NAV2: variants seen among roughly 807,000 people sequenced by gnomAD.
NAV2 encodes neuron navigator 2, also known as helicase, APC down-regulated 1.
NAV2 carries 54 observed loss-of-function variants against 223.2 expected under a neutral mutation model. The observed-to-expected ratio is 0.24, with a 90% CI of 0.19 to 0.30. NAV2 has a LOEUF of 0.30. NAV2 is among the 10% of genes least tolerant of loss of function. The pLI, the probability that NAV2 is intolerant of heterozygous loss-of-function variation, is 1.00. For synonymous variants in NAV2, 1,279 were observed against 1,239.3 expected (o/e 1.03, Z -0.67); for missense variants, 2,806 against 3,147.5 (o/e 0.89, Z 2.60).
At chr11:19,475,020 T>C (rs972822490) in intron 1 of NAV2, among the ~76,000 whole-genome samples, 1 of 152,172 alleles carries the variant, frequency 6.6e-6, no homozygotes, top group South Asian at 2.1e-4. Flanking sequence ...ACTGTCTCAT[T>C]CAGGATGCCC....
At chr11:19,465,301 G>T (rs989286549) in intron 1 of NAV2, among the ~76,000 whole-genome samples, 1 of 152,220 alleles carries the variant, frequency 6.6e-6, no homozygotes, top group Non-Finnish European at 1.5e-5. Flanking sequence ...GGACTACCCG[G>T]CCATGGTGGC....
intron 11 of NAV2, among the ~76,000 whole-genome samples, chr11:20,023,294 G>T (rs1462823070): frequency 1.3e-5 from 2 of 149,072 alleles, no homozygotes; most frequent in Non-Finnish European, 3.0e-5. Context: ...GGGTGGGAGG[G>T]GGCGGGGGGC....
chr11:19,429,357 C>G (rs2133580014), intron 1 of NAV2, among the ~76,000 whole-genome samples: 1 of 152,346 alleles, frequency 6.6e-6, no homozygotes, highest in South Asian at 2.1e-4. Flanking sequence ...TCAATAAAGC[C>G]TCACTGGGCT....
chr11:20,075,348 C>G (rs145208061), intron 22 of NAV2, among the ~76,000 whole-genome samples: 1 of 152,010 alleles, frequency 6.6e-6, no homozygotes, highest in Non-Finnish European at 1.5e-5. Context: ...CTCAGCCTCC[C>G]GAGTAGCTGG....
At chr11:20,094,375 A>G (rs1420700101) in intron 29 of NAV2, among the ~76,000 whole-genome samples, 1 of 151,520 alleles carries the variant, frequency 6.6e-6, no homozygotes, top group East Asian at 1.9e-4. Flanking sequence ...GACTATAGGT[A>G]CCTGCCACCA....
intron 1 of NAV2, among the ~76,000 whole-genome samples, chr11:19,740,060 G>A (rs918874235): frequency 6.6e-5 from 10 of 152,200 alleles, no homozygotes; most frequent in African/African-American, 2.4e-5. Context: ...GGAGCTTGAT[G>A]GGGAATCCTT....
rs774260626 is a variant in NAV2, at chr11:19,832,492, A to G, written c.276A>G (p.Thr92=). ...GTTTGCTTTTTTTACAGATCTACAC[A>G]GACTGGGCCAATCATTACCTAGCCA... ...VENGFDTQIY[T]DWANHYLAKS... is the part of the protein sequence containing the mutation. Residue 92 remains threonine (T), a synonymous_variant, in exon 2 of 38, where the codon ACA becomes ACG. Coordinates refer to ENST00000349880, the MANE Select transcript of NAV2 (RefSeq NM_145117.5). The G allele has an allele frequency of 6.2e-7, 1 of 1,613,612 alleles. No individual in the cohort carries two copies. The highest frequency in any genetic ancestry group is 8.5e-7 in the Non-Finnish European group (1 of 1,179,932).
At position 19,933,227 on chromosome 11, in the gene NAV2, C is replaced by T. The variant is rs371094159; in HGVS notation, c.983C>T (p.Pro328Leu). ...CACCCCGGAATGAGTGACAATGCACCTGCTTCCTTGGAGAGCGGCAGCAGC... is the reference window on the plus strand; with the variant it reads ...CACCCCGGAATGAGTGACAATGCACTTGCTTCCTTGGAGAGCGGCAGCAGC... ...SSHPGMSDNA[P>L]ASLESGSSST... is the part of the protein sequence containing the mutation. The change falls in exon 7 of 38, where the codon CCT (proline) becomes CTT (leucine). Residue 328 changes from proline (P) to leucine (L), a missense_variant. This residue lies in a region of NAV2 where 1,167 missense variants were observed against 1,180.5 expected (regional missense o/e 0.99). Transcript: ENST00000349880. This position sits in a 1 kb window ranked among gnomAD's most constrained non-coding sequence, Gnocchi z 4.3. 1.0e-5 allele frequency: 16 copies of T among 1,582,746 alleles called. No individual in the cohort carries two copies. The highest frequency in any genetic ancestry group is 1.3e-5 in the Non-Finnish European group (15 of 1,163,944).
intron 1 of NAV2, among the ~76,000 whole-genome samples, chr11:19,400,332 G>C (rs1405874104): frequency 1.3e-5 from 2 of 152,170 alleles, no homozygotes; most frequent in East Asian, 1.9e-4. Context: ...AACCTCTGGT[G>C]GTGGGCTTTG....
chr11:19,717,286 T>TAGTTGGGAGGCATAAC (rs1171401058), intron 1 of NAV2, among the ~76,000 whole-genome samples: 2 of 152,244 alleles, frequency 1.3e-5, no homozygotes, highest in Non-Finnish European at 2.9e-5. Context: ...CTTGGGGATT[T>TAGTTGGGAGGCATAAC]TATAATCTAG....
rs951588262 is a variant in NAV2 at position 19,713,802 on chromosome 11, C to A, written c.107C>A (p.Pro36His). The change falls in exon 1 of 38, where the codon CCC (proline) becomes CAC (histidine). Residue 36 changes from proline (P) to histidine (H), a missense_variant. Physicochemically the swap from Pro to His is moderately conservative, Grantham distance 77 (BLOSUM62 -2). This residue lies in a region of NAV2 where 1,167 missense variants were observed against 1,180.5 expected (regional missense o/e 0.99). Transcript: ENST00000349880. This position sits in a 1 kb window ranked among gnomAD's most constrained non-coding sequence, Gnocchi z 7.2. ...HVPPARAGPQ[P>H]CYLKLGSKVE... The stretch of plus-strand genomic sequence containing the variant: ...CCCCCGGCCCGGGCGGGCCCCCAGC[C>A]CTGCTACCTGAAGTTGGGAAGCAAG... 1.4e-5 allele frequency: 23 copies of A among 1,612,948 alleles called. No individual in the cohort carries two copies. The highest frequency in any genetic ancestry group is 1.9e-5 in the Non-Finnish European group (23 of 1,179,778).
chr11:20,081,335 T>A (rs7941892), intron 25 of NAV2, among the ~76,000 whole-genome samples: 39,293 of 152,104 alleles, frequency 0.26, 5,510 homozygotes, highest in East Asian at 0.59. Context: ...TCGATAAACA[T>A]GGTCAGCTTT....
At chr11:19,906,898 C>G (rs1434132219) in intron 6 of NAV2, among the ~76,000 whole-genome samples, 2 of 152,190 alleles carry the variant, frequency 1.3e-5, no homozygotes, top group Non-Finnish European at 2.9e-5. Flanking sequence ...TTCTCTTTCC[C>G]ACACCAACTG....
intron 1 of NAV2, among the ~76,000 whole-genome samples, chr11:19,789,808 C>T (rs376471377): frequency 7.9e-5 from 12 of 152,288 alleles, no homozygotes; most frequent in Admixed American, 5.2e-4. Context: ...GCTTCCTCCC[C>T]CTTTCTGGAC....
chr11:19,859,513 A>G (rs2061569516), intron 3 of NAV2, among the ~76,000 whole-genome samples: 1 of 150,170 alleles, frequency 6.7e-6, no homozygotes, highest in African/African-American at 2.4e-5. Context: ...AGTACAGAAC[A>G]AAATGAAAAG....
intron 26 of NAV2, among the ~76,000 whole-genome samples, chr11:20,086,131 CT>C (rs1447296304): frequency 2.0e-5 from 3 of 152,218 alleles, no homozygotes; most frequent in African/African-American, 7.2e-5. Flanking sequence ...ACACGCAAGG[CT>C]TTGAAGTGAA....
intron 1 of NAV2, among the ~76,000 whole-genome samples, chr11:19,555,810 C>T (rs1044805153): frequency 1.3e-5 from 2 of 152,142 alleles, no homozygotes; most frequent in African/African-American, 4.8e-5. Context: ...CCCATGGTGC[C>T]TGGAAGAAGA....
intron 1 of NAV2, among the ~76,000 whole-genome samples, chr11:19,584,629 G>A (rs1434319799): frequency 1.3e-5 from 2 of 152,082 alleles, no homozygotes; most frequent in African/African-American, 4.8e-5. Flanking sequence ...CCTTCATTTC[G>A]TTATGTACCC....
intron 36 of NAV2, among the ~76,000 whole-genome samples, chr11:20,108,101 C>T (rs1415818911): frequency 2.0e-5 from 3 of 152,198 alleles, no homozygotes; most frequent in African/African-American, 7.2e-5. Context: ...GAAGTAGAAC[C>T]ATACACATGT....
Sources: allele counts gnomAD v4.1 joint callset (sites outside exome capture counted in the v4.1 genomes callset), GRCh38; gene constraint gnomAD v4.1.1; regional missense constraint gnomAD v4.1.1; non-coding constraint Gnocchi (gnomAD v3.1); transcripts MANE v1.5; gene names NCBI Gene and HGNC (gene_info 2026-07-23, HGNC 2026-07-21).